DCLK1: variants seen among roughly 807,000 people sequenced by gnomAD.
DCLK1 encodes doublecortin like kinase 1.
A neutral mutation model predicts 86.2 loss-of-function variants in DCLK1; 16 were observed. The ratio of observed to expected loss-of-function variants is 0.19; its 90% CI spans 0.13 to 0.28. The LOEUF (loss-of-function observed/expected upper bound fraction) is 0.28. Among genes scored for constraint, DCLK1 ranks in the 10% least tolerant of loss-of-function variants. The pLI is 1.00. For missense variants in DCLK1, 590 were observed against 940.2 expected (o/e 0.63, Z 4.87); for synonymous variants, 369 against 370.5 (o/e 1.00, Z 0.05).
At chr13:35,926,529 G>A (rs1010509529) in intron 4 of DCLK1, among the ~76,000 whole-genome samples, 1 of 152,162 alleles carries the variant, frequency 6.6e-6, no homozygotes, top group African/African-American at 2.4e-5. Flanking sequence ...CTCTTCCTGG[G>A]AGTTTCACCA....
rs148647055 is a variant in DCLK1, at chr13:36,060,670, A to G, written c.723+51199T>C. On this transcript the variant is annotated intron_variant, in intron 3 of 16. Coordinates refer to ENST00000360631, the MANE Select transcript of DCLK1 (RefSeq NM_001330071.2). ...CAGCAAAATAACCAACAAATAGTTA[A>G]TAATGAATTAAATGAGTTAATAAAA... Among the ~76,000 whole-genome samples the G allele has an allele frequency of 1.4e-4, 21 of 152,336 alleles. No individual in the cohort carries two copies. The East Asian group carries it at 3.9e-3, about 28-fold the overall frequency.
intron 3 of DCLK1, among the ~76,000 whole-genome samples, chr13:36,046,006 T>C (rs1053080054): frequency 2.0e-5 from 3 of 152,200 alleles, no homozygotes; most frequent in African/African-American, 7.2e-5. Flanking sequence ...GCTTCTATTT[T>C]GCAGTGTTGC....
At chr13:35,808,349 A>C in intron 13 of DCLK1, 29 bp from the exon 14 acceptor site, 1 of 1,585,256 alleles carries the variant, frequency 6.3e-7, no homozygotes, top group Non-Finnish European at 8.7e-7. Context: ...ACAAGGAAAA[A>C]CAGCACTAAG....
chr13:35,912,018 C>A (rs117176724), intron 4 of DCLK1, among the ~76,000 whole-genome samples: 2,280 of 152,278 alleles, frequency 0.015, 28 homozygotes, highest in South Asian at 0.056. Flanking sequence ...GACCACTGTA[C>A]CTTCCTTCGG....
At chr13:35,816,640 T>C (rs2087273545) in intron 11 of DCLK1, among the ~76,000 whole-genome samples, 1 of 152,206 alleles carries the variant, frequency 6.6e-6, no homozygotes. Flanking sequence ...TAAAGTAATT[T>C]ACCCAGTGTT....
At chr13:35,916,674 A>AT (rs1875432574) in intron 4 of DCLK1, among the ~76,000 whole-genome samples, 1 of 152,154 alleles carries the variant, frequency 6.6e-6, no homozygotes, top group Non-Finnish European at 1.5e-5. Flanking sequence ...GCAGGTCAAA[A>AT]CATGAAACTT....
chr13:36,108,627 G>C (rs1885492907), intron 3 of DCLK1, among the ~76,000 whole-genome samples: 1 of 152,172 alleles, frequency 6.6e-6, no homozygotes, highest in African/African-American at 2.4e-5. Context: ...ACATCTGTAG[G>C]CTGCCCCAAG....
intron 3 of DCLK1, among the ~76,000 whole-genome samples, chr13:36,005,537 G>A: frequency 6.6e-6 from 1 of 152,178 alleles, no homozygotes; most frequent in East Asian, 1.9e-4. Flanking sequence ...ATGGGAACAT[G>A]CTTTCGAAGG....
intron 6 of DCLK1, among the ~76,000 whole-genome samples, chr13:35,844,309 G>T (rs192801187): frequency 6.6e-6 from 1 of 152,170 alleles, no homozygotes; most frequent in African/African-American, 2.4e-5. Flanking sequence ...GAGAAAACGC[G>T]AATGGAAACA....
chr13:35,819,033 T>G lies in DCLK1; in HGVS notation c.1554+3696A>C, dbSNP rs760198708. On this transcript the variant is annotated intron_variant, in intron 11 of 16. Coordinates refer to ENST00000360631, the MANE Select transcript of DCLK1 (RefSeq NM_001330071.2). ...TTGGGCTTGCCAGGCGGCTCTGTCC[T>G]CTGTTCATAGAAGTATCACTCATTC... 1.1e-3 allele frequency among the ~76,000 whole-genome samples: 160 copies of G among 152,212 alleles called. 1 individual carries two copies. Among genetic ancestry groups the G allele is most frequent in the Admixed American group, 2.0e-3 (30 of 15,278 alleles).
At chr13:35,975,413 G>A (rs1879283769) in intron 3 of DCLK1, among the ~76,000 whole-genome samples, 1 of 152,128 alleles carries the variant, frequency 6.6e-6, no homozygotes, top group African/African-American at 2.4e-5. Context: ...AGAAACACAA[G>A]GGCAACAAGG....
At chr13:35,975,160 C>A (rs1879272223) in intron 3 of DCLK1, among the ~76,000 whole-genome samples, 1 of 152,208 alleles carries the variant, frequency 6.6e-6, no homozygotes, top group South Asian at 2.1e-4. Flanking sequence ...AACAGCACCA[C>A]TGAGCTGCCT....
At chr13:35,785,045 C>T (rs777274615) in intron 16 of DCLK1, among the ~76,000 whole-genome samples, 6 of 152,184 alleles carry the variant, frequency 3.9e-5, no homozygotes, top group Non-Finnish European at 2.9e-5. Flanking sequence ...CCAATATGCA[C>T]ATTTTAGTCA....
At chr13:36,057,400 A>C (rs1182675311) in intron 3 of DCLK1, among the ~76,000 whole-genome samples, 1 of 152,202 alleles carries the variant, frequency 6.6e-6, no homozygotes, top group East Asian at 1.9e-4. Flanking sequence ...AATCTTGAAA[A>C]ATATTAGCGA....
intron 3 of DCLK1, among the ~76,000 whole-genome samples, chr13:36,020,501 T>TG (rs1273007561): frequency 6.6e-6 from 1 of 152,290 alleles, no homozygotes; most frequent in East Asian, 1.9e-4. Flanking sequence ...GTCAGCTTTG[T>TG]GGCATTTTTC....
chr13:35,874,575 C>T (rs763979333), intron 4 of DCLK1, among the ~76,000 whole-genome samples: 17 of 152,156 alleles, frequency 1.1e-4, no homozygotes, highest in Non-Finnish European at 1.0e-4. Context: ...TGTCACTGTT[C>T]TGGCCTGCCC....
chr13:35,898,171 T>C (rs374632285), intron 4 of DCLK1, among the ~76,000 whole-genome samples: 47 of 152,312 alleles, frequency 3.1e-4, no homozygotes, highest in African/African-American at 1.1e-3. Context: ...TAAGAAAGTC[T>C]AAATAAGTCC....
chr13:35,885,981 C>G (rs1298929642), intron 4 of DCLK1, among the ~76,000 whole-genome samples: 1 of 150,352 alleles, frequency 6.7e-6, no homozygotes, highest in Non-Finnish European at 1.5e-5. Context: ...GCAGGGAAAG[C>G]TGCTAGATAA....
intron 10 of DCLK1, 116 bp from the exon 11 acceptor site, chr13:35,822,991 T>C: frequency 8.0e-7 from 1 of 1,250,386 alleles, no homozygotes; most frequent in Non-Finnish European, 1.1e-6. Context: ...ATCTTTGGGT[T>C]CCTAAAGGCT....
Sources: gnomAD v4.1 joint callset for allele counts (sites outside exome capture counted in the v4.1 genomes callset) on GRCh38, gnomAD v4.1.1 for gene constraint, MANE v1.5 for transcripts, NCBI Gene and HGNC (gene_info 2026-07-23, HGNC 2026-07-21) for gene names.